Variants in PPFIA2 observed in about 807,000 individuals in gnomAD.
The protein encoded by PPFIA2 is liprin-alpha-2.
Under a neutral mutation model 175.5 loss-of-function variants are expected in PPFIA2, and 46 were observed. That is an observed-to-expected ratio of 0.26 (90% CI 0.21 to 0.34). The LOEUF (loss-of-function observed/expected upper bound fraction) is 0.34. PPFIA2 is among the 10% of genes least tolerant of loss of function. PPFIA2 has a pLI of 1.00. For missense variants in PPFIA2, 1,179 were observed against 1,506.1 expected (o/e 0.78, Z 3.60); for synonymous variants, 568 against 511.4 (o/e 1.11, Z -1.49).
At chr12:81,736,055 T>C (rs2081534469) in intron 3 of PPFIA2, among the ~76,000 whole-genome samples, 1 of 151,940 alleles carries the variant, frequency 6.6e-6, no homozygotes, top group Non-Finnish European at 1.5e-5. Flanking sequence ...TCCTTGGTCC[T>C]TTGTCTTTCT....
chr12:81,519,760 GATTA>G (rs1567167645), intron 4 of PPFIA2, among the ~76,000 whole-genome samples: 1 of 152,092 alleles, frequency 6.6e-6, no homozygotes, highest in Non-Finnish European at 1.5e-5. Context: ...AACGAAGAAA[GATTA>G]ATTTTAAAAT....
At chr12:81,595,093 A>G (rs1224849562) in intron 4 of PPFIA2, among the ~76,000 whole-genome samples, 2 of 151,952 alleles carry the variant, frequency 1.3e-5, no homozygotes, top group Non-Finnish European at 2.9e-5. Context: ...GGAGGAACAC[A>G]TTAAGTCATG....
At chr12:81,631,412 A>G (rs1472985018) in intron 4 of PPFIA2, among the ~76,000 whole-genome samples, 3 of 152,152 alleles carry the variant, frequency 2.0e-5, no homozygotes, top group Non-Finnish European at 4.4e-5. Context: ...TGGCCTTGTG[A>G]AAATTAATTT....
chr12:81,567,136 T>C (rs1358130124), intron 4 of PPFIA2, among the ~76,000 whole-genome samples: 1 of 152,166 alleles, frequency 6.6e-6, no homozygotes, highest in Admixed American at 6.5e-5. Flanking sequence ...AAGCTCTGCC[T>C]CCCGGGATTC....
At chr12:81,449,087 C>T (rs1461222517) in intron 5 of PPFIA2, among the ~76,000 whole-genome samples, 1 of 152,150 alleles carries the variant, frequency 6.6e-6, no homozygotes, top group African/African-American at 2.4e-5. Context: ...CAAACTGATT[C>T]ACCTTGTAGA....
chr12:81,440,528 C>G (rs2049982226), intron 6 of PPFIA2, among the ~76,000 whole-genome samples: 1 of 151,948 alleles, frequency 6.6e-6, no homozygotes, highest in South Asian at 2.1e-4. Flanking sequence ...CTTTTAGAAC[C>G]TGAAAAATGT....
chr12:81,321,329 T>A (rs2053608925), intron 22 of PPFIA2, among the ~76,000 whole-genome samples: 1 of 152,062 alleles, frequency 6.6e-6, no homozygotes, highest in African/African-American at 2.4e-5. Flanking sequence ...GACAACTAAA[T>A]ATATTCCAGG....
At chr12:81,502,716 A>G (rs2060714931) in intron 4 of PPFIA2, among the ~76,000 whole-genome samples, 1 of 152,224 alleles carries the variant, frequency 6.6e-6, no homozygotes, top group African/African-American at 2.4e-5. Context: ...AACATTGAGC[A>G]GAAGAGCAGA....
rs2035949027 is a variant in PPFIA2, at chr12:81,374,655, C to T, written c.1245G>A (p.Gln415=). 1 of 1,613,062 alleles carries T rather than the reference C, an allele frequency of 6.2e-7. No individual in the cohort carries two copies. Residue 415 remains glutamine (Q), a synonymous_variant, in exon 11 of 33, where the codon CAG becomes CAA. Coordinates refer to ENST00000549396, the MANE Select transcript of PPFIA2 (RefSeq NM_003625.5). ...TLPEVEAELA[Q]RIAALTKAEE... is the part of the protein sequence containing the mutation. ...GTACCTTGGTTAGGGCTGCAATTCT[C>T]TGAGCCAGTTCAGCCTCTACTTCAG...
chr12:81,277,274 AC>A, intron 28 of PPFIA2, 42 bp downstream of exon 28: 1 of 1,486,406 alleles, frequency 6.7e-7, no homozygotes, highest in Non-Finnish European at 9.0e-7. Flanking sequence ...AAAGCTAAAA[AC>A]CCCAGAATAA....
chr12:81,505,728 A>T (rs1253246183), intron 4 of PPFIA2: 2 of 152,196 alleles, frequency 1.3e-5, no homozygotes. Context: ...AGCCACATGT[A>T]CCAGCTTCTC....
intron 7 of PPFIA2, among the ~76,000 whole-genome samples, chr12:81,412,617 C>T (rs1322374586): frequency 1.3e-5 from 2 of 151,890 alleles, no homozygotes; most frequent in African/African-American, 4.8e-5. Context: ...GGAAGTGAAA[C>T]ATTCCTTAAA....
At chr12:81,309,432 C>A (rs952852557) in intron 22 of PPFIA2, among the ~76,000 whole-genome samples, 3 of 151,972 alleles carry the variant, frequency 2.0e-5, no homozygotes, top group Non-Finnish European at 4.4e-5. Context: ...GATTGATTAC[C>A]TAACTATACA....
intron 3 of PPFIA2, among the ~76,000 whole-genome samples, chr12:81,723,501 G>C (rs1363331819): frequency 6.6e-6 from 1 of 150,866 alleles, no homozygotes; most frequent in African/African-American, 2.4e-5. Flanking sequence ...ACTGTGGTTT[G>C]GGGGGAAATA....
intron 22 of PPFIA2, 66 bp from the exon 23 acceptor site, chr12:81,299,448 GATA>G: frequency 6.7e-7 from 1 of 1,502,776 alleles, no homozygotes; most frequent in Non-Finnish European, 8.9e-7. Context: ...TATTTTTAAT[GATA>G]ATATTTTAAA....
chr12:81,588,657 C>T (rs2075611598), intron 4 of PPFIA2, among the ~76,000 whole-genome samples: 1 of 151,976 alleles, frequency 6.6e-6, no homozygotes, highest in Non-Finnish European at 1.5e-5. Context: ...TCCTCTTTTG[C>T]CTCTTATAAT....
chr12:81,613,045 G>C (rs2061089102), intron 4 of PPFIA2, among the ~76,000 whole-genome samples: 2 of 152,022 alleles, frequency 1.3e-5, no homozygotes, highest in African/African-American at 2.4e-5. Flanking sequence ...TTTTGTTTTT[G>C]TTGGTCCTTT....
At chr12:81,542,154 T>G (rs933803281) in intron 4 of PPFIA2, among the ~76,000 whole-genome samples, 2 of 152,160 alleles carry the variant, frequency 1.3e-5, no homozygotes, top group African/African-American at 4.8e-5. Context: ...GGGCCTTACA[T>G]GCACTCACAT....
intron 3 of PPFIA2, among the ~76,000 whole-genome samples, chr12:81,691,379 T>C (rs926936698): frequency 2.0e-5 from 3 of 152,164 alleles, no homozygotes; most frequent in Admixed American, 6.6e-5. Context: ...TCAATAAATA[T>C]GTTGATTCGA....
Sources: gnomAD v4.1 joint callset for allele counts (sites outside exome capture counted in the v4.1 genomes callset) on GRCh38, gnomAD v4.1.1 for gene constraint, MANE v1.5 for transcripts, NCBI Gene and HGNC (gene_info 2026-07-23, HGNC 2026-07-21) for gene names.